MACROD2: variants seen among roughly 807,000 people sequenced by gnomAD.
The protein encoded by MACROD2 is mono-ADP ribosylhydrolase 2, also known as ADP-ribose glycohydrolase MACROD2.
Under a neutral mutation model 70.4 loss-of-function variants are expected in MACROD2, and 36 were observed. The ratio of observed to expected loss-of-function variants is 0.51; its 90% CI spans 0.39 to 0.68. The LOEUF (loss-of-function observed/expected upper bound fraction) is 0.68, where lower values mean the gene tolerates loss of function less well. Among genes scored for constraint, MACROD2 ranks in the 30% least tolerant of loss-of-function variants. The pLI, the probability that MACROD2 is intolerant of heterozygous loss-of-function variation, is 0.00. For missense variants in MACROD2, 496 were observed against 538.4 expected, an observed-to-expected ratio of 0.92 and a Z score of 0.78; for synonymous variants, 172 against 178.8, an observed-to-expected ratio of 0.96 and a Z score of 0.30.
intron 7 of MACROD2, among the ~76,000 whole-genome samples, chr20:15,447,831 G>A (rs986882346): frequency 2.0e-5 from 3 of 152,084 alleles, no homozygotes; most frequent in African/African-American, 7.2e-5. Flanking sequence ...AATCTAATGG[G>A]GGAGTGACTC....
At chr20:14,052,450 AACTT>A (rs2053579932) in intron 2 of MACROD2, among the ~76,000 whole-genome samples, 1 of 152,150 alleles carries the variant, frequency 6.6e-6, no homozygotes, top group African/African-American at 2.4e-5. Flanking sequence ...ATTTGTAACT[AACTT>A]GTTGATGATC....
intron 15 of MACROD2, among the ~76,000 whole-genome samples, chr20:16,027,662 A>G (rs186476273): frequency 6.3e-4 from 96 of 152,344 alleles, no homozygotes; most frequent in African/African-American, 2.2e-3. Flanking sequence ...GGCTCCTTAC[A>G]TAGTTAAAAC....
chr20:15,513,266 T>A (rs2224301), intron 8 of MACROD2, among the ~76,000 whole-genome samples: 1 of 152,156 alleles, frequency 6.6e-6, no homozygotes, highest in African/African-American at 2.4e-5. Context: ...TGTTCGGGAG[T>A]CAAAGGAAAA....
At chr20:14,787,223 C>T (rs1421818477) in intron 5 of MACROD2, among the ~76,000 whole-genome samples, 1 of 152,046 alleles carries the variant, frequency 6.6e-6, no homozygotes, top group African/African-American at 2.4e-5. Flanking sequence ...GAAGCTTCTT[C>T]ATCAATCTTC....
intron 5 of MACROD2, among the ~76,000 whole-genome samples, chr20:14,771,737 TACACACACACAC>T (rs11472593): frequency 1.4e-5 from 2 of 145,560 alleles, no homozygotes; most frequent in African/African-American, 2.5e-5. Context: ...ATACTTATCC[TACACACACACAC>T]ACACACACAC....
chr20:16,051,258 T>C lies in MACROD2; in HGVS notation c.*1382T>C, dbSNP rs1336914874. On this transcript the variant is annotated 3_prime_UTR_variant, in exon 18 of 18. Coordinates refer to ENST00000684519, the MANE Select transcript of MACROD2 (RefSeq NM_001351661.2). ...AAAACTTACTTATATTGTTTTTCCT[T>C]AACAGAGGGAGAAAAATAGTGGATT... 6.6e-6 allele frequency: 1 copy of C among 152,212 alleles called. No homozygotes were observed. Among genetic ancestry groups the C allele is most frequent in the Non-Finnish European group, 1.5e-5 (1 of 68,032 alleles). 9.4% of individuals were successfully genotyped at this position (152,212 alleles called of 1,614,324 possible).
intron 5 of MACROD2, among the ~76,000 whole-genome samples, chr20:14,950,018 C>T (rs1425370806): frequency 1.3e-5 from 2 of 152,088 alleles, no homozygotes; most frequent in East Asian, 1.9e-4. Flanking sequence ...ACTATGTGTG[C>T]ACTTATTGTC....
chr20:15,246,740 T>C (rs2077109453), intron 6 of MACROD2, among the ~76,000 whole-genome samples: 1 of 152,208 alleles, frequency 6.6e-6, no homozygotes, highest in Non-Finnish European at 1.5e-5. Context: ...TAATTGAGAA[T>C]ATAGGTCTGC....
chr20:15,590,877 A>G (rs1246761955), intron 8 of MACROD2, among the ~76,000 whole-genome samples: 1 of 151,806 alleles, frequency 6.6e-6, no homozygotes, highest in Non-Finnish European at 1.5e-5. Flanking sequence ...TGTCAAAAAA[A>G]AAAGAAAGAA....
intron 4 of MACROD2, among the ~76,000 whole-genome samples, chr20:14,639,323 C>T (rs745692390): frequency 6.6e-6 from 1 of 152,112 alleles, no homozygotes; most frequent in Non-Finnish European, 1.5e-5. Context: ...TAGGTACCTT[C>T]TTCAACTCTC....
At chr20:15,086,877 G>T (rs2075752812) in intron 5 of MACROD2, among the ~76,000 whole-genome samples, 1 of 152,114 alleles carries the variant, frequency 6.6e-6, no homozygotes, top group Non-Finnish European at 1.5e-5. Flanking sequence ...GATAATATTT[G>T]TGAGGTTATA....
intron 8 of MACROD2, among the ~76,000 whole-genome samples, chr20:15,819,364 A>G (rs1228438291): frequency 7.8e-6 from 1 of 128,372 alleles, no homozygotes; most frequent in African/African-American, 2.6e-5. Flanking sequence ...AATGTATATA[A>G]ATAAATAAAT....
chr20:14,267,876 T>C (rs2082156645), intron 3 of MACROD2, among the ~76,000 whole-genome samples: 1 of 151,956 alleles, frequency 6.6e-6, no homozygotes, highest in Non-Finnish European at 1.5e-5. Context: ...CATAGACCCC[T>C]GAAAACCATT....
chr20:15,278,992 C>T (rs921825321), intron 6 of MACROD2, among the ~76,000 whole-genome samples: 1 of 152,058 alleles, frequency 6.6e-6, no homozygotes, highest in Non-Finnish European at 1.5e-5. Context: ...CATTTCTGTG[C>T]ACTTGAAGTG....
intron 5 of MACROD2, among the ~76,000 whole-genome samples, chr20:15,117,995 T>C (rs538096786): frequency 3.9e-5 from 6 of 152,118 alleles, no homozygotes; most frequent in Non-Finnish European, 5.9e-5. Context: ...TTTACTTTTT[T>C]GTGGCTCTGA....
intron 9 of MACROD2, among the ~76,000 whole-genome samples, chr20:15,873,292 T>A (rs1448181362): frequency 6.6e-6 from 1 of 152,070 alleles, no homozygotes; most frequent in Non-Finnish European, 1.5e-5. Context: ...GCAACCTGAG[T>A]TTACATTCCC....
At position 14,443,715 on chromosome 20, in the gene MACROD2, T is replaced by G. The variant is rs541349776; in HGVS notation, c.272-49764T>G. 7.9e-5 allele frequency among the ~76,000 whole-genome samples: 12 copies of G among 152,288 alleles called. No homozygotes were observed. The East Asian group carries it at 2.3e-3, about 29-fold the overall frequency. ...TTAGTGAGTGTATCAGTAGTAATTA[T>G]GCTTGAGTAGCATGAAATCAAACTG... On this transcript the variant is annotated intron_variant, in intron 3 of 17. Transcript: ENST00000684519.
intron 6 of MACROD2, among the ~76,000 whole-genome samples, chr20:15,405,084 A>G: frequency 6.6e-6 from 1 of 152,194 alleles, no homozygotes; most frequent in Non-Finnish European, 1.5e-5. Context: ...AAATAGGCAA[A>G]TCCATACACA....
intron 5 of MACROD2, among the ~76,000 whole-genome samples, chr20:14,881,555 G>T (rs145873866): frequency 9.6e-4 from 146 of 152,122 alleles, no homozygotes; most frequent in African/African-American, 3.4e-3. Flanking sequence ...TCTTCAAGAA[G>T]TTTCGGGGTA....
Sources: allele counts gnomAD v4.1 joint callset (sites outside exome capture counted in the v4.1 genomes callset), GRCh38; gene constraint gnomAD v4.1.1; transcripts MANE v1.5; gene names NCBI Gene and HGNC (gene_info 2026-07-23, HGNC 2026-07-21).